The following TANGO6 variants were observed in gnomAD, a reference collection of about 807,000 sequenced individuals.
TANGO6 encodes the protein transport and Golgi organization protein 6 homolog.
A neutral mutation model predicts 114.2 loss-of-function variants in TANGO6; 90 were observed. The ratio of observed to expected loss-of-function variants is 0.79; its 90% CI spans 0.66 to 0.94. The LOEUF (loss-of-function observed/expected upper bound fraction) is 0.94, where lower values mean the gene tolerates loss of function less well. Among genes scored for constraint, TANGO6 ranks in the 40% least tolerant of loss-of-function variants. The probability of loss-of-function intolerance (pLI) is 0.00; values close to 1 mark genes in which losing one functional copy is unlikely to be tolerated. For synonymous variants in TANGO6, 477 were observed against 509.8 expected, an observed-to-expected ratio of 0.94 and a Z score of 0.87; for missense variants, 1,274 against 1,315.3, an observed-to-expected ratio of 0.97 and a Z score of 0.49.
intron 9 of TANGO6, among the ~76,000 whole-genome samples, chr16:68,903,700 T>A (rs975428851): frequency 2.7e-5 from 4 of 150,170 alleles, no homozygotes; most frequent in Admixed American, 2.0e-4. Flanking sequence ...GGTGGGTAGA[T>A]CACTTGAGGT....
chr16:68,923,223 G>C (rs1441511453), intron 12 of TANGO6, among the ~76,000 whole-genome samples: 1 of 151,436 alleles, frequency 6.6e-6, no homozygotes, highest in African/African-American at 2.4e-5. Flanking sequence ...CTCCCAAAGC[G>C]CCGGGATTAC....
chr16:69,074,797 C>CCT (rs1485961853), intron 17 of TANGO6, among the ~76,000 whole-genome samples: 27 of 92,220 alleles, frequency 2.9e-4, no homozygotes, highest in African/African-American at 1.0e-3. Context: ...GGTTCGAATG[C>CCT]CTGTGTGTGT....
At chr16:68,966,897 A>G (rs1252005202) in intron 14 of TANGO6, among the ~76,000 whole-genome samples, 2 of 151,094 alleles carry the variant, frequency 1.3e-5, no homozygotes, top group East Asian at 3.9e-4. Flanking sequence ...TCAGCCTCCC[A>G]AGTAGCTGGG....
At chr16:69,016,922 A>G (rs1213359503) in intron 15 of TANGO6, among the ~76,000 whole-genome samples, 2 of 152,148 alleles carry the variant, frequency 1.3e-5, no homozygotes, top group Non-Finnish European at 2.9e-5. Flanking sequence ...CAGCCTCCCA[A>G]AGTGCTGGGA....
chr16:69,044,589 C>T lies in TANGO6; in HGVS notation c.3108+4168C>T, dbSNP rs542977920. Among the ~76,000 whole-genome samples the T allele has an allele frequency of 1.2e-4, 18 of 152,170 alleles. No individual in the cohort carries two copies. In the South Asian group the frequency reaches 3.5e-3, roughly 30 times the overall value. On this transcript the variant is annotated intron_variant, in intron 17 of 17. Transcript: ENST00000261778. ...TCACAGCTTTTCTGGCCTGAGGAAC[C>T]AGGAGATTGAGTGTGGGGAAGCCAC...
At chr16:68,990,155 C>G (rs1260333081) in intron 15 of TANGO6, among the ~76,000 whole-genome samples, 1 of 152,132 alleles carries the variant, frequency 6.6e-6, no homozygotes, top group Non-Finnish European at 1.5e-5. Context: ...ACCTCAGCCT[C>G]TTGAGTAGCT....
chr16:68,847,185 C>G (rs374777426), intron 1 of TANGO6, among the ~76,000 whole-genome samples: 2 of 152,012 alleles, frequency 1.3e-5, no homozygotes, highest in Non-Finnish European at 2.9e-5. Context: ...CCACCGCGCC[C>G]GGCCAAAGAG....
At chr16:68,880,681 T>G (rs1475369854) in intron 7 of TANGO6, 51 bp downstream of exon 7, 1 of 1,386,980 alleles carries the variant, frequency 7.2e-7, no homozygotes, top group East Asian at 2.6e-5. Context: ...TTTAAAATTT[T>G]TTTTAAATTT....
intron 17 of TANGO6, among the ~76,000 whole-genome samples, chr16:69,058,686 GA>G (rs1960071213): frequency 6.6e-6 from 1 of 152,140 alleles, no homozygotes; most frequent in Non-Finnish European, 1.5e-5. Flanking sequence ...TTTTTTTTGA[GA>G]CGGAGTCTCG....
At chr16:69,026,437 A>G (rs190370025) in intron 16 of TANGO6, 104 of 181,976 alleles carry the variant, frequency 5.7e-4, no homozygotes, top group African/African-American at 2.2e-3. Context: ...CTCTTCCATA[A>G]CATCCAGAAG....
intron 7 of TANGO6, among the ~76,000 whole-genome samples, chr16:68,895,724 A>G (rs1962695009): frequency 6.6e-6 from 1 of 152,248 alleles, no homozygotes; most frequent in African/African-American, 2.4e-5. Context: ...GTGCTGGATC[A>G]ATTTAATAAG....
intron 15 of TANGO6, among the ~76,000 whole-genome samples, chr16:68,998,792 A>G (rs1964015654): frequency 6.6e-6 from 1 of 151,852 alleles, no homozygotes; most frequent in South Asian, 2.1e-4. Flanking sequence ...ACTTGGCCTG[A>G]TCATGTATAT....
chr16:69,021,865 T>C (rs1435279479), intron 15 of TANGO6, among the ~76,000 whole-genome samples: 2 of 151,672 alleles, frequency 1.3e-5, no homozygotes, highest in African/African-American at 2.4e-5. Context: ...ATTTTTTGTA[T>C]GTATATGTAA....
At chr16:69,067,219 T>A (rs552287576) in intron 17 of TANGO6, among the ~76,000 whole-genome samples, 1 of 152,104 alleles carries the variant, frequency 6.6e-6, no homozygotes, top group Non-Finnish European at 1.5e-5. Context: ...TTTTTTTTTA[T>A]TAGCTGAGGC....
chr16:69,053,335 CTG>C (rs1289500929), intron 17 of TANGO6, among the ~76,000 whole-genome samples: 5 of 152,044 alleles, frequency 3.3e-5, no homozygotes, highest in Admixed American at 3.3e-4. Context: ...GTTATTATGA[CTG>C]TAACTGTTAT....
At chr16:69,020,936 GTGTGTGGT>G (rs1959395012) in intron 15 of TANGO6, among the ~76,000 whole-genome samples, 1 of 148,798 alleles carries the variant, frequency 6.7e-6, no homozygotes, top group Non-Finnish European at 1.5e-5. Context: ...GTGTGTGTGT[GTGTGTGGT>G]GTGTGTGTGT....
At chr16:69,018,787 C>T (rs910489361) in intron 15 of TANGO6, among the ~76,000 whole-genome samples, 4 of 151,934 alleles carry the variant, frequency 2.6e-5, no homozygotes, top group Admixed American at 2.0e-4. Flanking sequence ...ATTAGCCGGG[C>T]GTGGTGGCGG....
At chr16:68,963,176 C>G (rs529218762) in intron 14 of TANGO6, among the ~76,000 whole-genome samples, 1 of 151,152 alleles carries the variant, frequency 6.6e-6, no homozygotes, top group South Asian at 2.1e-4. Flanking sequence ...GGATACAGTG[C>G]AGTGATGCAA....
chr16:68,946,486 G>A (rs910123569), intron 14 of TANGO6, among the ~76,000 whole-genome samples: 8 of 152,052 alleles, frequency 5.3e-5, no homozygotes, highest in South Asian at 2.1e-4. Context: ...GAGCCACCGC[G>A]CCCGGCCTTT....
Sources: allele counts gnomAD v4.1 joint callset (sites outside exome capture counted in the v4.1 genomes callset), GRCh38; gene constraint gnomAD v4.1.1; transcripts MANE v1.5; gene names NCBI Gene and HGNC (gene_info 2026-07-23, HGNC 2026-07-21).